Variants in TPH2 observed in about 807,000 individuals in gnomAD.
The protein encoded by TPH2 is tryptophan 5-hydroxylase 2.
A neutral mutation model predicts 59.1 loss-of-function variants in TPH2; 27 were observed. That is an observed-to-expected ratio of 0.46 (90% CI 0.34 to 0.63). The LOEUF (loss-of-function observed/expected upper bound fraction) is 0.63, where lower values mean the gene tolerates loss of function less well. Ranked by LOEUF, TPH2 falls within the 30% of genes least tolerant of loss-of-function variation. TPH2 has a pLI of 0.01. For missense variants in TPH2, 523 were observed against 588.3 expected (o/e 0.89, Z 1.15); for synonymous variants, 220 against 210.5 (o/e 1.05, Z -0.39).
intron 7 of TPH2, among the ~76,000 whole-genome samples, chr12:71,981,220 A>G (rs1263052221): frequency 6.6e-6 from 1 of 152,242 alleles, no homozygotes; most frequent in Non-Finnish European, 1.5e-5. Context: ...CAAGAGGCAT[A>G]CATGTGCAAG....
At chr12:72,019,942 C>A (rs1301829119) in intron 8 of TPH2, among the ~76,000 whole-genome samples, 2 of 152,146 alleles carry the variant, frequency 1.3e-5, no homozygotes, top group Non-Finnish European at 2.9e-5. Flanking sequence ...AACTTGGATC[C>A]CTTTGTGTGT....
At chr12:71,978,566 T>G (rs1214359621) in intron 6 of TPH2, among the ~76,000 whole-genome samples, 1 of 152,220 alleles carries the variant, frequency 6.6e-6, no homozygotes, top group Non-Finnish European at 1.5e-5. Context: ...ACTGAACACA[T>G]GCACACAGAA....
chr12:71,979,304 C>T lies in TPH2; in HGVS notation c.941+217C>T, dbSNP rs745624216. The stretch of plus-strand genomic sequence containing the variant: ...GATATTCCAGCTCTGGCTCGATGCT[C>T]TAGCTTTATCCCAACACTGAGCCAT... On this transcript the variant is annotated intron_variant, in intron 7 of 10. Transcript: ENST00000333850. Among the ~76,000 whole-genome samples the T allele has an allele frequency of 5.3e-5, 8 of 152,322 alleles. No individual in the cohort carries two copies. The South Asian group carries it at 1.7e-3, about 32-fold the overall frequency.
chr12:71,978,156 T>C (rs771410597), intron 6 of TPH2, among the ~76,000 whole-genome samples: 1 of 151,972 alleles, frequency 6.6e-6, no homozygotes, highest in African/African-American at 2.4e-5. Flanking sequence ...TTTCCTAGAA[T>C]GTATCCCCAT....
intron 8 of TPH2, 74 bp downstream of exon 8, chr12:71,994,639 G>T (rs1872652132): frequency 3.4e-5 from 54 of 1,568,654 alleles, no homozygotes; most frequent in Non-Finnish European, 4.5e-5. Context: ...CAGGATTATT[G>T]ACTATGAGTT....
chr12:71,968,181 A>G (rs1357861215), intron 5 of TPH2, among the ~76,000 whole-genome samples: 2 of 152,126 alleles, frequency 1.3e-5, no homozygotes, highest in Non-Finnish European at 2.9e-5. Context: ...TGTTAGGCAT[A>G]GTTTTCCTGG....
At chr12:71,944,763 T>C in intron 4 of TPH2, 77 bp downstream of exon 4, 1 of 1,255,508 alleles carries the variant, frequency 8.0e-7, no homozygotes. Context: ...CCATGTTCTG[T>C]GCTGCAATGC....
chr12:71,962,173 T>C, intron 5 of TPH2: 7 of 986,200 alleles, frequency 7.1e-6, no homozygotes, highest in Non-Finnish European at 8.4e-6. Context: ...TCAAGCCACG[T>C]ATGTCAGATG....
At chr12:71,980,156 C>A (rs968987583) in intron 7 of TPH2, among the ~76,000 whole-genome samples, 1 of 152,142 alleles carries the variant, frequency 6.6e-6, no homozygotes, top group African/African-American at 2.4e-5. Context: ...TGGAGAATTT[C>A]AGGCTGAAAG....
intron 5 of TPH2, chr12:71,964,671 G>C (rs1871766438): frequency 1.0e-6 from 1 of 985,208 alleles, no homozygotes; most frequent in South Asian, 4.7e-5. Context: ...CTAAAAATGA[G>C]AGTCATCAAT....
intron 1 of TPH2, 50 bp downstream of exon 1, chr12:71,939,141 CCAT>C (rs199524368): frequency 7.3e-7 from 1 of 1,363,920 alleles, no homozygotes; most frequent in African/African-American, 1.5e-5. Flanking sequence ...TAGGGTGTGA[CCAT>C]CTTCTCCTCA....
chr12:71,998,358 G>A lies in TPH2; in HGVS notation c.1068+3793G>A, dbSNP rs528347752. Among the ~76,000 whole-genome samples, 5 of 152,246 alleles carry A rather than the reference G, an allele frequency of 3.3e-5. No individual in the cohort carries two copies. The South Asian group carries it at 1.0e-3, about 32-fold the overall frequency. On this transcript the variant is annotated intron_variant, in intron 8 of 10. Transcript: ENST00000333850. ...TTTTTCTGTATGATGTGGAGAGTAT[G>A]GAGGAGGATAACCTCACACAGTGTG... is the stretch of plus-strand genomic sequence containing the variant.
chr12:72,017,093 G>A (rs978727918), intron 8 of TPH2, among the ~76,000 whole-genome samples: 15 of 152,122 alleles, frequency 9.9e-5, no homozygotes, highest in African/African-American at 3.1e-4. Flanking sequence ...CATAAGAAGG[G>A]TTTTGCATAG....
intron 8 of TPH2, among the ~76,000 whole-genome samples, chr12:71,996,136 T>C (rs974005998): frequency 2.0e-5 from 3 of 152,336 alleles, no homozygotes; most frequent in Admixed American, 6.5e-5. Flanking sequence ...GTCTGAAGGT[T>C]TGGGAATTGG....
Position 71,941,585 on chromosome 12 carries a change from TA to T in TPH2, c.110del (p.Asn37IlefsTer34). 2 of 1,613,776 alleles carry T rather than the reference TA, an allele frequency of 1.2e-6. No individual in the cohort carries two copies. Among genetic ancestry groups the T allele is most frequent in the South Asian group, 1.1e-5 (1 of 91,068 alleles). Reference protein sequence around the residue: ...EEHQLLGSSTLNKPNSGKNDD... With the variant: ...EEHQLLGSSTXNKPNSGKNDD... ...TATTATGCTTCGACATTCCTGAAGC[TA>T]AATAAACCTAACTCTGGCAAAAATG... On this transcript the variant is annotated frameshift_variant and splice_region_variant, in exon 2 of 11. Transcript: ENST00000333850. LOFTEE classifies it high-confidence loss of function.
At position 71,972,675 on chromosome 12, in the gene TPH2, C is replaced by A. The variant is rs1349614764; in HGVS notation, c.765C>A (p.Asp255Glu). 5 of 1,614,148 alleles carry A rather than the reference C, an allele frequency of 3.1e-6. No individual in the cohort carries two copies. Among genetic ancestry groups the A allele is most frequent in the Non-Finnish European group, 3.4e-6 (4 of 1,180,020 alleles). Residue 255 changes from aspartate (D) to glutamate (E), a missense_variant, in exon 6 of 11, where the codon GAC becomes GAA. By Grantham distance (45) the Asp-to-Glu change is conservative. Coordinates refer to ENST00000333850, the MANE Select transcript of TPH2 (RefSeq NM_173353.4). ...LLTKYCGYREDNVPQLEDVSM... is the reference protein window; with the variant it reads ...LLTKYCGYREENVPQLEDVSM... ...CTAAATACTGTGGCTACAGAGAGGA[C>A]AATGTGCCTCAACTCGAAGATGTCT...
intron 8 of TPH2, among the ~76,000 whole-genome samples, chr12:72,011,347 A>G (rs1873094484): frequency 6.6e-6 from 1 of 152,232 alleles, no homozygotes; most frequent in Non-Finnish European, 1.5e-5. Context: ...TTGTATTAAT[A>G]AAACCAATTT....
chr12:71,979,035 C>T lies in TPH2; in HGVS notation c.889C>T (p.His297Tyr). Reference sequence around the variant, plus strand: ...GGCAGGACTGGCCTACAGAGTGTTCCACTGTACCCAGTACATCCGGCATGG... The same window carrying T: ...GGCAGGACTGGCCTACAGAGTGTTCTACTGTACCCAGTACATCCGGCATGG... ...FLAGLAYRVF[H>Y]CTQYIRHGSD... Residue 297 changes from histidine (H) to tyrosine (Y), a missense_variant, in exon 7 of 11, where the codon CAC becomes TAC. His to Tyr is a moderately conservative substitution (Grantham distance 83). Transcript: ENST00000333850. The T allele has an allele frequency of 1.2e-6, 2 of 1,614,140 alleles. No individual in the cohort carries two copies. The highest frequency in any genetic ancestry group is 1.7e-6 in the Non-Finnish European group (2 of 1,180,028).
At chr12:72,018,616 T>C (rs1489326696) in intron 8 of TPH2, among the ~76,000 whole-genome samples, 1 of 152,180 alleles carries the variant, frequency 6.6e-6, no homozygotes, top group African/African-American at 2.4e-5. Context: ...AACGTGTATT[T>C]TGGATGCTTT....
Sources: allele counts gnomAD v4.1 joint callset (sites outside exome capture counted in the v4.1 genomes callset), GRCh38; gene constraint gnomAD v4.1.1; transcripts MANE v1.5; gene names NCBI Gene and HGNC (gene_info 2026-07-23, HGNC 2026-07-21).